The following ANKRD44 variants were observed in gnomAD, a reference collection of about 807,000 sequenced individuals.
ANKRD44 encodes serine/threonine-protein phosphatase 6 regulatory ankyrin repeat subunit B.
ANKRD44 carries 35 observed loss-of-function variants against 116.0 expected under a neutral mutation model. The observed-to-expected ratio is 0.30, with a 90% CI of 0.23 to 0.40. The LOEUF is 0.40. ANKRD44 is among the 10% of genes least tolerant of loss of function. ANKRD44 has a pLI of 1.00. For synonymous variants in ANKRD44, 435 were observed against 461.8 expected (o/e 0.94, Z 0.74); for missense variants, 1,014 against 1,242.6 (o/e 0.82, Z 2.77).
chr2:197,036,383 C>G (rs896648037), intron 16 of ANKRD44, among the ~76,000 whole-genome samples: 2 of 152,074 alleles, frequency 1.3e-5, no homozygotes, highest in Admixed American at 1.3e-4. Context: ...CTCACCCTCC[C>G]GAGTAGCTGA....
chr2:196,974,814 C>T (rs750448274), intron 21 of ANKRD44, among the ~76,000 whole-genome samples: 2 of 151,394 alleles, frequency 1.3e-5, no homozygotes, highest in African/African-American at 2.4e-5. Context: ...CTCTTAAATC[C>T]AGGAGGCAGA....
chr2:197,112,354 A>T (rs1423178585), intron 8 of ANKRD44, among the ~76,000 whole-genome samples: 1 of 152,194 alleles, frequency 6.6e-6, no homozygotes, highest in Non-Finnish European at 1.5e-5. Context: ...AATTTAGGTA[A>T]GTATTTCTTA....
chr2:197,299,608 A>C (rs1381262477), intron 1 of ANKRD44: 2 of 152,224 alleles, frequency 1.3e-5, no homozygotes, highest in East Asian at 3.8e-4. Flanking sequence ...ATATGTTCTC[A>C]CTCATTAGTA....
chr2:197,034,805 G>A (rs1166880304), intron 16 of ANKRD44, among the ~76,000 whole-genome samples: 1 of 152,032 alleles, frequency 6.6e-6, no homozygotes, highest in Non-Finnish European at 1.5e-5. Context: ...ACTGAGAAGT[G>A]AAGATAGGTG....
At position 197,239,379 on chromosome 2, in the gene ANKRD44, G is replaced by A. The variant is rs529428280; in HGVS notation, c.28-52273C>T. On this transcript the variant is annotated intron_variant, in intron 1 of 27. Coordinates refer to ENST00000282272, the MANE Select transcript of ANKRD44 (RefSeq NM_001195144.2). ...TCCAAGTAGCTGGGACTACAGGCAT[G>A]AGCCACCATGCCCAGCTAGTATTTT... 1.7e-3 allele frequency among the ~76,000 whole-genome samples: 254 copies of A among 152,266 alleles called. 2 individuals are homozygous for A. The highest frequency in any genetic ancestry group is 5.7e-3 in the African/African-American group (235 of 41,560).
chr2:197,242,765 T>G (rs2125802959), intron 1 of ANKRD44, among the ~76,000 whole-genome samples: 1 of 152,320 alleles, frequency 6.6e-6, no homozygotes, highest in African/African-American at 2.4e-5. Context: ...GCAAAGGACA[T>G]GCTTTTATTT....
At chr2:197,307,551 GA>G (rs3060107) in intron 1 of ANKRD44, among the ~76,000 whole-genome samples, 55 of 133,868 alleles carry the variant, frequency 4.1e-4, no homozygotes, top group African/African-American at 9.1e-4. Flanking sequence ...TTTTTACAGT[GA>G]AAAAAAAAAA....
At chr2:197,310,500 C>G in intron 1 of ANKRD44, 78 bp downstream of exon 1, 1 of 953,304 alleles carries the variant, frequency 1.0e-6, no homozygotes, top group Non-Finnish European at 1.2e-6. Flanking sequence ...CGCGCTCCAG[C>G]CGCGCCCCCA....
intron 16 of ANKRD44, among the ~76,000 whole-genome samples, chr2:197,031,142 T>A (rs113331823): frequency 6.6e-6 from 1 of 151,852 alleles, no homozygotes; most frequent in Non-Finnish European, 1.5e-5. Flanking sequence ...TTTAAAACCA[T>A]AAGTGTTGAA....
chr2:197,150,319 T>A (rs1236345906), intron 2 of ANKRD44, among the ~76,000 whole-genome samples: 1 of 151,900 alleles, frequency 6.6e-6, no homozygotes, highest in African/African-American at 2.4e-5. Context: ...GAGGCTGAGG[T>A]GGGCGGATCA....
At chr2:197,036,001 A>T (rs1444740580) in intron 16 of ANKRD44, among the ~76,000 whole-genome samples, 1 of 152,068 alleles carries the variant, frequency 6.6e-6, no homozygotes, top group African/African-American at 2.4e-5. Context: ...CTCAGCCCCA[A>T]ATCAACTCTC....
At chr2:197,149,460 T>C (rs1295383388) in intron 2 of ANKRD44, among the ~76,000 whole-genome samples, 2 of 152,228 alleles carry the variant, frequency 1.3e-5, no homozygotes, top group African/African-American at 4.8e-5. Flanking sequence ...GCATGAATAC[T>C]GTAAAAATTC....
intron 1 of ANKRD44, among the ~76,000 whole-genome samples, chr2:197,266,969 A>G (rs1227528103): frequency 1.3e-5 from 2 of 152,228 alleles, no homozygotes; most frequent in East Asian, 3.8e-4. Context: ...CTAGATTAAT[A>G]TCCAAAAGGA....
chr2:197,240,086 AGAGG>A (rs890331216), intron 1 of ANKRD44, among the ~76,000 whole-genome samples: 4 of 152,100 alleles, frequency 2.6e-5, no homozygotes, highest in African/African-American at 9.7e-5. Context: ...TATATATTCA[AGAGG>A]TAAACCAGGC....
intron 1 of ANKRD44, among the ~76,000 whole-genome samples, chr2:197,261,841 C>T (rs191531832): frequency 6.6e-6 from 1 of 152,308 alleles, no homozygotes; most frequent in East Asian, 1.9e-4. Flanking sequence ...GGTCTGCTAA[C>T]TGCAGCGATG....
intron 2 of ANKRD44, among the ~76,000 whole-genome samples, chr2:197,158,137 C>G (rs1209002869): frequency 6.6e-6 from 1 of 152,176 alleles, no homozygotes; most frequent in Non-Finnish European, 1.5e-5. Flanking sequence ...CAACCACCCA[C>G]TGCCAAGATA....
At chr2:197,187,343 A>G (rs898241395) in intron 1 of ANKRD44, among the ~76,000 whole-genome samples, 1 of 152,180 alleles carries the variant, frequency 6.6e-6, no homozygotes, top group Non-Finnish European at 1.5e-5. Context: ...AACCTGAACT[A>G]TGAACTACAG....
chr2:197,015,859 G>A (rs957420278), intron 17 of ANKRD44: 1 of 514,968 alleles, frequency 1.9e-6, no homozygotes, highest in African/African-American at 1.9e-5. Context: ...TGGTGGTGGT[G>A]GGAACAATAA....
intron 2 of ANKRD44, among the ~76,000 whole-genome samples, chr2:197,171,967 CCATT>C (rs1386311362): frequency 6.6e-6 from 1 of 151,180 alleles, no homozygotes; most frequent in Non-Finnish European, 1.5e-5. Flanking sequence ...AAAATTACTC[CCATT>C]ATTATTACCA....
Sources: allele counts gnomAD v4.1 joint callset (sites outside exome capture counted in the v4.1 genomes callset), GRCh38; gene constraint gnomAD v4.1.1; transcripts MANE v1.5; gene names NCBI Gene and HGNC (gene_info 2026-07-23, HGNC 2026-07-21).